WNK1: variants seen among roughly 807,000 people sequenced by gnomAD.
The protein encoded by WNK1 is serine/threonine-protein kinase WNK1.
In WNK1, 38 loss-of-function variants were observed where a neutral mutation model predicts 222.8. The observed-to-expected ratio is 0.17, with a 90% confidence interval of 0.13 to 0.22. WNK1 has a LOEUF of 0.22. Among genes scored for constraint, WNK1 ranks in the 10% least tolerant of loss-of-function variants. The pLI is 1.00. For missense variants in WNK1, 2,348 were observed against 2,918.4 expected, an observed-to-expected ratio of 0.80 and a Z score of 4.50; for synonymous variants, 1,090 against 1,092.9, an observed-to-expected ratio of 1.00 and a Z score of 0.05.
intron 2 of WNK1, among the ~76,000 whole-genome samples, chr12:820,786 A>T (rs1487863692): frequency 6.6e-6 from 1 of 151,988 alleles, no homozygotes; most frequent in African/African-American, 2.4e-5. Flanking sequence ...ATTCTTTGGG[A>T]TTTTTATATA....
At position 753,755 on chromosome 12, in the gene WNK1, G is replaced by C; in HGVS notation, c.190G>C (p.Asp64His). Reference protein sequence around the residue: ...YRRRRHTMDKDSRGAAATTTT... With the variant: ...YRRRRHTMDKHSRGAAATTTT... Reference sequence around the variant, plus strand: ...GCGCCGCCGCCACACTATGGACAAGGACAGCCGTGGGGCGGCCGCGACCAC... The same window carrying C: ...GCGCCGCCGCCACACTATGGACAAGCACAGCCGTGGGGCGGCCGCGACCAC... The change falls in exon 1 of 28, where the codon GAC becomes CAC. Residue 64 changes from aspartate (D) to histidine (H), a missense_variant. By Grantham distance (81) the Asp-to-His change is moderately conservative (BLOSUM62 -1). Around this residue, in one of 13 missense-constraint regions of WNK1, gnomAD observed 108 missense variants for 109.7 expected, o/e 0.98. Transcript: ENST00000315939. The surrounding 1 kb of genome is among the most constrained non-coding windows in gnomAD (Gnocchi z 5.2). 6.2e-7 allele frequency: 1 copy of C among 1,612,364 alleles called. No individual in the cohort carries two copies. The highest frequency in any genetic ancestry group is 8.5e-7 in the Non-Finnish European group (1 of 1,179,910).
At chr12:898,239 C>T (rs928481419) in intron 25 of WNK1, among the ~76,000 whole-genome samples, 3 of 152,032 alleles carry the variant, frequency 2.0e-5, no homozygotes, top group African/African-American at 4.8e-5. Context: ...AATCCCAGAA[C>T]TTTGGGAGGC....
chr12:893,891 A>G (rs968104839), intron 22 of WNK1, among the ~76,000 whole-genome samples: 2 of 146,678 alleles, frequency 1.4e-5, no homozygotes, highest in Admixed American at 1.4e-4. Context: ...CCAGTGTTAC[A>G]TTGAGAAAAT....
At chr12:815,838 G>A (rs1436496715) in intron 2 of WNK1, among the ~76,000 whole-genome samples, 1 of 152,170 alleles carries the variant, frequency 6.6e-6, no homozygotes, top group Non-Finnish European at 1.5e-5. Flanking sequence ...GGGGTAATAA[G>A]CCCCTGTGGA....
chr12:778,014 A>G (rs1485852630), intron 1 of WNK1, among the ~76,000 whole-genome samples: 1 of 152,240 alleles, frequency 6.6e-6, no homozygotes, highest in African/African-American at 2.4e-5. Flanking sequence ...TGCTCTAGCT[A>G]TCAAATCTAT....
At position 802,579 on chromosome 12, in the gene WNK1, C is replaced by T. The variant is rs148055478; in HGVS notation, c.760-11063C>T. Among the ~76,000 whole-genome samples the T allele has an allele frequency of 8.5e-3, 1,291 of 152,024 alleles. 11 individuals carry two copies. Among genetic ancestry groups the T allele is most frequent in the Middle Eastern group, 0.014 (4 of 294 alleles). On this transcript the variant is annotated intron_variant, in intron 1 of 27. Transcript: ENST00000315939. The stretch of plus-strand genomic sequence containing the variant: ...CCCTGATACTAAACAAATCTGATTT[C>T]GTTTGAATCTTTTTTTCCCTCTAGA...
Position 861,300 on chromosome 12 carries a change from A to G in WNK1, c.1908A>G (p.Gln636=). 1 of 1,614,170 alleles carries G rather than the reference A, an allele frequency of 6.2e-7. No homozygotes were observed. Among genetic ancestry groups the G allele is most frequent in the Non-Finnish European group, 8.5e-7 (1 of 1,180,016 alleles). ...AACCTGAAGAACCTGAGGCAGATCA[A>G]CATCAACAACTACAGTACCAGCAAC... ...QVEPEEPEAD[Q]HQQLQYQQPS... is the part of the protein sequence containing the mutation. The change falls in exon 7 of 28, where the codon CAA becomes CAG. Residue 636 remains glutamine (Q), a synonymous_variant. Coordinates refer to ENST00000315939, the MANE Select transcript of WNK1 (RefSeq NM_018979.4).
In WNK1 at chr12:827,172, A is replaced by G. The variant is rs753222480; in HGVS notation, c.1063A>G (p.Ile355Val). 3.7e-6 allele frequency: 6 copies of G among 1,614,080 alleles called. No individual in the cohort carries two copies. The highest frequency in any genetic ancestry group is 2.7e-5 in the African/African-American group (2 of 74,942). Residue 355 changes from isoleucine to valine, a missense_variant, in exon 3 of 28, where the codon ATC becomes GTC. Ile to Val is a conservative substitution (Grantham distance 29). Transcript: ENST00000315939. The surrounding 1 kb of genome is among the most constrained non-coding windows in gnomAD (Gnocchi z 4.6). ...IIHRDLKCDNIFITGPTGSVK... is the reference protein window; with the variant it reads ...IIHRDLKCDNVFITGPTGSVK... ...TCACCGCGATCTTAAATGTGACAAC[A>G]TCTTTATCACCGGCCCTACTGGCTC...
chr12:881,705 T>A lies in WNK1; in HGVS notation c.3125T>A (p.Val1042Asp). 6.2e-7 allele frequency: 1 copy of A among 1,613,268 alleles called. No individual in the cohort carries two copies. Among genetic ancestry groups the A allele is most frequent in the Non-Finnish European group, 8.5e-7 (1 of 1,179,688 alleles). Reference protein sequence around the residue: ...QQAVLESTQGVSQVAPAEPVA... With the variant: ...QQAVLESTQGDSQVAPAEPVA... ...TTCGATTCACAGAGTACTCAGGGAGTCTCTCAGGTTGCTCCTGCAGAGCCA... is the reference window on the plus strand; with the variant it reads ...TTCGATTCACAGAGTACTCAGGGAGACTCTCAGGTTGCTCCTGCAGAGCCA... The change falls in exon 13 of 28, where the codon GTC (valine) becomes GAC (aspartate). Residue 1042 changes from valine to aspartate, a missense_variant. Transcript: ENST00000315939.
intron 8 of WNK1, among the ~76,000 whole-genome samples, chr12:866,649 C>T (rs550059157): frequency 2.6e-5 from 4 of 152,248 alleles, no homozygotes; most frequent in African/African-American, 4.8e-5. Context: ...CGTGAGCCAC[C>T]GCGCCCAGCG....
intron 2 of WNK1, among the ~76,000 whole-genome samples, chr12:824,535 T>G (rs7298001): frequency 0.62 from 93,566 of 151,938 alleles, 29,200 homozygotes; most frequent in East Asian, 0.87. Context: ...AATAGCAATT[T>G]AGACAAAGAT....
chr12:792,541 C>G (rs1452352364), intron 1 of WNK1, among the ~76,000 whole-genome samples: 1 of 151,938 alleles, frequency 6.6e-6, no homozygotes, highest in Non-Finnish European at 1.5e-5. Flanking sequence ...GTCTAGAACT[C>G]CTGACCTCGT....
At chr12:840,600 A>G (rs1418489883) in intron 4 of WNK1, among the ~76,000 whole-genome samples, 2 of 152,186 alleles carry the variant, frequency 1.3e-5, no homozygotes, top group African/African-American at 2.4e-5. Context: ...CTATAATGGC[A>G]GAGTTGAATA....
At chr12:897,429 G>C in intron 24 of WNK1, 50 bp from the exon 25 acceptor site, 1 of 1,181,044 alleles carries the variant, frequency 8.5e-7, no homozygotes, top group Non-Finnish European at 1.3e-6. Flanking sequence ...ATTCTTGTCT[G>C]AATGAAGAGG....
rs1433564119 is a variant in WNK1, at chr12:900,120, G to T, written c.6449-356G>T. The stretch of plus-strand genomic sequence containing the variant: ...CCTTCCTCAGCCTCCTGAGTAGCTG[G>T]GATTATAGGCACCCTCCACCACGCC... On this transcript the variant is annotated intron_variant, in intron 25 of 27. Coordinates refer to ENST00000315939, the MANE Select transcript of WNK1 (RefSeq NM_018979.4). Among the ~76,000 whole-genome samples, 3 of 150,122 alleles carry T rather than the reference G, an allele frequency of 2.0e-5. No individual in the cohort carries two copies. The Admixed American group carries it at 2.0e-4, about 10-fold the overall frequency.
chr12:814,036 G>A (rs567837319), intron 2 of WNK1, among the ~76,000 whole-genome samples: 22 of 152,290 alleles, frequency 1.4e-4, no homozygotes, highest in Admixed American at 2.6e-4. Context: ...AGTTATGGCC[G>A]AGTGTGGTGG....
intron 4 of WNK1, among the ~76,000 whole-genome samples, chr12:846,633 A>G (rs576314807): frequency 6.6e-6 from 1 of 152,310 alleles, no homozygotes; most frequent in East Asian, 1.9e-4. Flanking sequence ...ATAACAACCA[A>G]GTTAGAAATA....
chr12:884,019 C>A lies in WNK1; in HGVS notation c.3722-102C>A. On this transcript the variant is annotated intron_variant, in intron 17 of 27. Coordinates refer to ENST00000315939, the MANE Select transcript of WNK1 (RefSeq NM_018979.4). This position sits in a 1 kb window ranked among gnomAD's most constrained non-coding sequence, Gnocchi z 5.6. ...CTCCAGCCTGGGTGAGAGAATGAGA[C>A]CGTGCCTCAAAAAAAGCAGTTGTAT... 2 of 1,558,462 alleles carry A rather than the reference C, an allele frequency of 1.3e-6. No individual in the cohort carries two copies. The highest frequency in any genetic ancestry group is 1.8e-6 in the Non-Finnish European group (2 of 1,137,870).
intron 4 of WNK1, among the ~76,000 whole-genome samples, chr12:832,844 A>AT (rs1295090455): frequency 6.6e-6 from 1 of 152,130 alleles, no homozygotes; most frequent in Non-Finnish European, 1.5e-5. Context: ...GGCAGGAGAA[A>AT]TTTTTTTATG....
Sources: allele counts gnomAD v4.1 joint callset (sites outside exome capture counted in the v4.1 genomes callset), GRCh38; gene constraint gnomAD v4.1.1; regional missense constraint gnomAD v4.1.1; non-coding constraint Gnocchi (gnomAD v3.1); transcripts MANE v1.5; gene names NCBI Gene and HGNC (gene_info 2026-07-23, HGNC 2026-07-21).